Variants in SPATA20 observed in about 807,000 individuals in gnomAD.
The protein encoded by SPATA20 is spermatogenesis-associated protein 20.
Under a neutral mutation model 98.9 loss-of-function variants are expected in SPATA20, and 74 were observed. The observed-to-expected ratio is 0.75, with a 90% confidence interval of 0.62 to 0.91. The LOEUF (loss-of-function observed/expected upper bound fraction) is 0.91, where lower values mean the gene tolerates loss of function less well. Among genes scored for constraint, SPATA20 ranks in the 40% least tolerant of loss-of-function variants. The pLI, the probability that SPATA20 is intolerant of heterozygous loss-of-function variation, is 0.00. For missense variants in SPATA20, 1,016 were observed against 1,069.8 expected, an observed-to-expected ratio of 0.95 and a Z score of 0.70; for synonymous variants, 430 against 440.5, an observed-to-expected ratio of 0.98 and a Z score of 0.30.
rs749120651 is a variant in SPATA20 at position 50,552,080 on chromosome 17, G to A, written c.1857G>A (p.Leu619=). The A allele has an allele frequency of 5.0e-6, 8 of 1,613,752 alleles. No individual in the cohort carries two copies. Among genetic ancestry groups the A allele is most frequent in the Non-Finnish European group, 6.8e-6 (8 of 1,180,006 alleles). The part of the protein sequence containing the change: ...ESAWLEWALR[L]QDTQDKLFWD... ...CGTGGCTCGAGTGGGCTCTGCGGCTGCAGGACACACAGGACAAGCTCTTTT... is the reference window on the plus strand; with the variant it reads ...CGTGGCTCGAGTGGGCTCTGCGGCTACAGGACACACAGGACAAGCTCTTTT... The change falls in exon 14 of 17, where the codon CTG becomes CTA. Residue 619 remains leucine (L), a synonymous_variant. Transcript: ENST00000006658.
chr17:50,551,999 C>G lies in SPATA20; in HGVS notation c.1776C>G (p.Asp592Glu). ...CACCCTGCTGGGGCTTCCTGGAGGA[C>G]TACGCCTTCGTGGTGCGGGGCCTGC... ...SNPPCWGFLE[D>E]YAFVVRGLLD... The change falls in exon 14 of 17, where the codon GAC (aspartate) becomes GAG (glutamate). Residue 592 changes from aspartate (D) to glutamate (E), a missense_variant. Asp to Glu is a conservative substitution (Grantham distance 45). Transcript: ENST00000006658. The G allele has an allele frequency of 3.1e-6, 5 of 1,610,718 alleles. No individual in the cohort carries two copies. Among genetic ancestry groups the G allele is most frequent in the Non-Finnish European group, 4.2e-6 (5 of 1,178,576 alleles).
chr17:50,555,501 C>T lies in SPATA20; in HGVS notation c.2248C>T (p.Leu750=). The T allele has an allele frequency of 6.2e-7, 1 of 1,614,004 alleles. No homozygotes were observed. The highest frequency in any genetic ancestry group is 1.1e-5 in the South Asian group (1 of 91,082). ...SVYIPNKVLI[L]ADGDPSSFLS... ...TCTGCTGCTGCCCTAGGTGCTGATT[C>T]TGGCTGATGGGGACCCCTCGAGCTT... is the stretch of plus-strand genomic sequence containing the variant. Residue 750 remains leucine, a synonymous_variant, in exon 17 of 17, where the codon CTG becomes TTG. Coordinates refer to ENST00000006658, the MANE Select transcript of SPATA20 (RefSeq NM_022827.4).
At position 50,547,277 on chromosome 17, in the gene SPATA20, G is replaced by A. The variant is rs62059700; in HGVS notation, c.69G>A (p.Ala23=). 0.033 allele frequency: 45,299 copies of A among 1,374,772 alleles called. 879 individuals carry two copies. The highest frequency in any genetic ancestry group is 0.052 in the South Asian group (2,974 of 57,274). The allele number at this position is 1,374,772 out of a possible 1,614,324, so 85.2% of individuals were successfully genotyped here. ...LLPRAGAGLA[A]SRRCPGVWPR... ...CCCGCGCCGGTGCAGGCCTCGCCGCGAGCCGCAGGTACGGGCGGGCGAGCG... is the reference window on the plus strand; with the variant it reads ...CCCGCGCCGGTGCAGGCCTCGCCGCAAGCCGCAGGTACGGGCGGGCGAGCG... The change falls in exon 1 of 17, where the codon GCG becomes GCA. Residue 23 remains alanine (A), a synonymous_variant. Transcript: ENST00000006658.
At position 50,550,897 on chromosome 17, in the gene SPATA20, G is replaced by A. The variant is rs1230906671; in HGVS notation, c.1363G>A (p.Gly455Ser). 3 of 1,612,960 alleles carry A rather than the reference G, an allele frequency of 1.9e-6. No individual in the cohort carries two copies. The highest frequency in any genetic ancestry group is 1.6e-4 in the Middle Eastern group (1 of 6,084). The change falls in exon 11 of 17, where the codon GGT becomes AGT. Residue 455 changes from glycine to serine, a missense_variant. Coordinates refer to ENST00000006658, the MANE Select transcript of SPATA20 (RefSeq NM_022827.4). ...LMKHYGLTEAGNISPSQDPKG... is the reference protein window; with the variant it reads ...LMKHYGLTEASNISPSQDPKG... Reference sequence around the variant, plus strand: ...GAAGCACTACGGCCTCACAGAGGCTGGTAACATCAGCCCCAGTCAGGTGAG... The same window carrying A: ...GAAGCACTACGGCCTCACAGAGGCTAGTAACATCAGCCCCAGTCAGGTGAG...
intron 13 of SPATA20, 96 bp downstream of exon 13, chr17:50,551,775 G>A: frequency 7.2e-7 from 1 of 1,389,742 alleles, no homozygotes. Flanking sequence ...TCCAGTCCTG[G>A]CTCTGCCAGG....
At position 50,548,238 on chromosome 17, in the gene SPATA20, G is replaced by A. The variant is rs763670714; in HGVS notation, c.126-45G>A. ...CAGGTGCTGGGGGGCCTGGGAGAAG[G>A]TGGGTGGAGGCCCCTGGCTTGCCTG... On this transcript the variant is annotated intron_variant, in intron 2 of 16. Coordinates refer to ENST00000006658, the MANE Select transcript of SPATA20 (RefSeq NM_022827.4). 12 of 1,598,660 alleles carry A rather than the reference G, an allele frequency of 7.5e-6. No homozygotes were observed. The African/African-American group carries it at 1.3e-4, about 18-fold the overall frequency.
rs371652563 is a variant in SPATA20, at chr17:50,548,406, C to T, written c.249C>T (p.His83=). Residue 83 remains histidine, a synonymous_variant, in exon 3 of 17, where the codon CAC becomes CAT. Transcript: ENST00000006658. ...TPQRVPNRLI[H]EKSPYLLQHA... Reference sequence around the variant, plus strand: ...AGAGGGTCCCCAACCGCCTGATCCACGAGAAGTCACCATACCTCCTACAAC... The same window carrying T: ...AGAGGGTCCCCAACCGCCTGATCCATGAGAAGTCACCATACCTCCTACAAC... 2.5e-5 allele frequency: 41 copies of T among 1,614,022 alleles called. No individual in the cohort carries two copies. Among genetic ancestry groups the T allele is most frequent in the Non-Finnish European group, 3.0e-5 (35 of 1,179,978 alleles).
chr17:50,553,424 G>A (rs2035046244), intron 14 of SPATA20, among the ~76,000 whole-genome samples: 1 of 152,146 alleles, frequency 6.6e-6, no homozygotes, highest in South Asian at 2.1e-4. Context: ...AGAAGCTGTG[G>A]AGAGAGTTCA....
chr17:50,547,358 C>A, intron 1 of SPATA20, 73 bp downstream of exon 1: 1 of 1,281,972 alleles, frequency 7.8e-7, no homozygotes, highest in Non-Finnish European at 1.0e-6. Flanking sequence ...GTCTTCCGGA[C>A]ACCGGTCCCC....
In SPATA20 at chr17:50,549,316, AATAGCCAGCGTGTC is replaced by A; in HGVS notation, c.693_706del (p.Ser232HisfsTer13). 6.2e-7 allele frequency: 1 copy of A among 1,612,458 alleles called. No individual in the cohort carries two copies. The highest frequency in any genetic ancestry group is 8.5e-7 in the Non-Finnish European group (1 of 1,179,826). On this transcript the variant is annotated frameshift_variant, in exon 7 of 17. Coordinates refer to ENST00000006658, the MANE Select transcript of SPATA20 (RefSeq NM_022827.4). LOFTEE classifies it high-confidence loss of function. ...ACAGAACAAGAACACCCTGCTAGAA[AATAGCCAGCGTGTC>A]ACCACTGCCCTGCTGGCCCGATCAG...
In SPATA20 at chr17:50,555,293, C is replaced by G; in HGVS notation, c.2219C>G (p.Ser740Cys). 1 of 1,613,962 alleles carries G rather than the reference C, an allele frequency of 6.2e-7. No homozygotes were observed. Among genetic ancestry groups the G allele is most frequent in the Non-Finnish European group, 8.5e-7 (1 of 1,179,896 alleles). The change falls in exon 16 of 17, where the codon TCT (serine) becomes TGT (cysteine). Residue 740 changes from serine to cysteine, a missense_variant. Physicochemically the swap from Ser to Cys is moderately radical, Grantham distance 112. Transcript: ENST00000006658. ...DTKALVQCVH[S>C]VYIPNKVLIL... ...AAGGCCCTGGTGCAGTGCGTCCACT[C>G]TGTCTACATTCCTAACAAGGTACCC... is the stretch of plus-strand genomic sequence containing the variant.
chr17:50,554,884 ACTG>A (rs1567912473), intron 15 of SPATA20, among the ~76,000 whole-genome samples: 3 of 113,014 alleles, frequency 2.7e-5, no homozygotes, highest in Non-Finnish European at 5.5e-5. Context: ...GTGGGCATCT[ACTG>A]TGTGTGTGTG....
rs752895603 is a variant in SPATA20 at position 50,550,264 on chromosome 17, G to GCT, written c.1053_1054dup (p.Tyr352SerfsTer38). The GCT allele has an allele frequency of 5.0e-6, 8 of 1,608,966 alleles. No homozygotes were observed. The highest frequency in any genetic ancestry group is 5.9e-6 in the Non-Finnish European group (7 of 1,176,696). ...GGCACGTCCCTCACTTTGAGAAGAT[G>GCT]CTCTATGACCAGGCACAGCTCGCTG... On this transcript the variant is annotated frameshift_variant, in exon 9 of 17. Transcript: ENST00000006658. LOFTEE classifies it high-confidence loss of function.
At position 50,550,606 on chromosome 17, in the gene SPATA20, A is replaced by T. The variant is rs760534999; in HGVS notation, c.1169A>T (p.His390Leu). The stretch of plus-strand genomic sequence containing the variant: ...CAGTACGTGGCTCGGAGCCTGAGCC[A>T]CCGGGTGTGTGTCCATGGTGGCAGG... ...ILQYVARSLS[H>L]RSGGFYSAED... Residue 390 changes from histidine to leucine, a missense_variant, in exon 10 of 17, where the codon CAC becomes CTC. Transcript: ENST00000006658. The T allele has an allele frequency of 6.2e-7, 1 of 1,613,900 alleles. No individual in the cohort carries two copies. Among genetic ancestry groups the T allele is most frequent in the East Asian group, 2.2e-5 (1 of 44,852 alleles).
At chr17:50,554,592 C>T (rs1398072320) in intron 15 of SPATA20, 142 bp downstream of exon 15, 2 of 790,556 alleles carry the variant, frequency 2.5e-6, no homozygotes, top group South Asian at 1.5e-5. Context: ...GCCTGTCAGA[C>T]AGGGAGGCAG....
chr17:50,551,445 A>G, intron 12 of SPATA20, 66 bp from the exon 13 acceptor site: 1 of 1,522,168 alleles, frequency 6.6e-7, no homozygotes, highest in Non-Finnish European at 9.0e-7. Flanking sequence ...GCCTAAGGTG[A>G]TAGGGTGGAC....
At chr17:50,554,782 T>C (rs924391266) in intron 15 of SPATA20, among the ~76,000 whole-genome samples, 1 of 152,078 alleles carries the variant, frequency 6.6e-6, no homozygotes, top group African/African-American at 2.4e-5. Flanking sequence ...TGTTTGTCTG[T>C]CTGCATGTGG....
At chr17:50,548,642 G>GT (rs1190647786) in intron 4 of SPATA20, 24 bp downstream of exon 4, 7 of 1,609,966 alleles carry the variant, frequency 4.3e-6, no homozygotes, top group Non-Finnish European at 5.9e-6. Context: ...CTTCCCTGAT[G>GT]TGGGGGTGTG....
intron 15 of SPATA20, among the ~76,000 whole-genome samples, chr17:50,554,885 C>CTGTGTGTGTGTGTG (rs3062812): frequency 7.1e-6 from 1 of 141,438 alleles, no homozygotes. Context: ...TGGGCATCTA[C>CTGTGTGTGTGTGTG]TGTGTGTGTG....
Sources: gnomAD v4.1 joint callset for allele counts (sites outside exome capture counted in the v4.1 genomes callset) on GRCh38, gnomAD v4.1.1 for gene constraint, MANE v1.5 for transcripts, NCBI Gene and HGNC (gene_info 2026-07-23, HGNC 2026-07-21) for gene names.